PCED1B: variants seen among roughly 807,000 people sequenced by gnomAD.
The protein encoded by PCED1B is PC-esterase domain-containing protein 1B.
For missense variants in PCED1B, 573 were observed against 573.9 expected, an observed-to-expected ratio of 1.00 and a Z score of 0.02; for synonymous variants, 251 against 246.1, an observed-to-expected ratio of 1.02 and a Z score of -0.19.
chr12:47,195,214 A>C (rs1942566936), intron 2 of PCED1B, among the ~76,000 whole-genome samples: 1 of 152,034 alleles, frequency 6.6e-6, no homozygotes, highest in Non-Finnish European at 1.5e-5. Context: ...CTGTAGTCCC[A>C]GCTACTCGGG....
At chr12:47,146,461 C>G (rs923318715) in intron 2 of PCED1B, among the ~76,000 whole-genome samples, 1 of 152,036 alleles carries the variant, frequency 6.6e-6, no homozygotes, top group South Asian at 2.1e-4. Flanking sequence ...TCGCATGCTA[C>G]AGAAAAAAAT....
chr12:47,083,391 T>G (rs772256056), intron 1 of PCED1B, among the ~76,000 whole-genome samples: 4 of 151,914 alleles, frequency 2.6e-5, no homozygotes, highest in Non-Finnish European at 4.4e-5. Context: ...CTCACTGGGG[T>G]CACTGATTGC....
chr12:47,173,255 C>G (rs1456672829), intron 2 of PCED1B, among the ~76,000 whole-genome samples: 1 of 152,110 alleles, frequency 6.6e-6, no homozygotes, highest in Non-Finnish European at 1.5e-5. Flanking sequence ...TCATTTATCT[C>G]CTGTATGTTT....
At position 47,153,071 on chromosome 12, in the gene PCED1B, C is replaced by T. The variant is rs531600700; in HGVS notation, c.-526+48876C>T. ...ATGCTTAGAATATAGAAATTCAGGC[C>T]GGGCACAGTGGCTCACGCCTGTAAT... On this transcript the variant is annotated intron_variant, in intron 2 of 3. Transcript: ENST00000546455. 3.8e-4 allele frequency among the ~76,000 whole-genome samples: 58 copies of T among 151,752 alleles called. No homozygotes were observed. In the South Asian group the frequency reaches 8.1e-3, roughly 21 times the overall value.
chr12:47,110,941 T>C (rs1486726304), intron 2 of PCED1B, among the ~76,000 whole-genome samples: 1 of 152,204 alleles, frequency 6.6e-6, no homozygotes, highest in Non-Finnish European at 1.5e-5. Flanking sequence ...AAAAACCATA[T>C]GCAGCATGAA....
In PCED1B at chr12:47,193,057, A is replaced by G. The variant is rs996930721; in HGVS notation, c.-525-23165A>G. On this transcript the variant is annotated intron_variant, in intron 2 of 3. Transcript: ENST00000546455. The stretch of plus-strand genomic sequence containing the variant: ...GATATTTTAGCGCTTCTCCCATTGT[A>G]TTTTGCTAATTGTTTTTGCATGTCT... Among the ~76,000 whole-genome samples the G allele has an allele frequency of 9.2e-5, 14 of 152,094 alleles. No homozygotes were observed. The South Asian group carries it at 2.7e-3, about 29-fold the overall frequency.
Position 47,236,445 on chromosome 12 carries a change from C to A in PCED1B, c.*83C>A, listed in dbSNP as rs907570133. Reference sequence around the variant, plus strand: ...CTTTCCATTGCTTGGCCTGAACAGACTGACCTTGTTAACTTAAGCCTGGAG... The same window carrying A: ...CTTTCCATTGCTTGGCCTGAACAGAATGACCTTGTTAACTTAAGCCTGGAG... On this transcript the variant is annotated 3_prime_UTR_variant, in exon 4 of 4. Coordinates refer to ENST00000546455, the MANE Select transcript of PCED1B (RefSeq NM_138371.3). 22 of 1,343,322 alleles carry A rather than the reference C, an allele frequency of 1.6e-5. 2 individuals are homozygous for A. Among genetic ancestry groups the A allele is most frequent in the Non-Finnish European group, 9.9e-7 (1 of 1,005,776 alleles). The allele number at this position is 1,343,322 out of a possible 1,614,324, so 83.2% of individuals were successfully genotyped here. A position where few individuals can be genotyped will look rare whatever the true frequency, so the allele number is the denominator to read the frequency against.
At chr12:47,219,793 A>G (rs1014939074) in intron 3 of PCED1B, among the ~76,000 whole-genome samples, 9 of 152,076 alleles carry the variant, frequency 5.9e-5, no homozygotes, top group African/African-American at 2.2e-4. Context: ...AGATAATATG[A>G]TTTTTTTTCT....
intron 2 of PCED1B, among the ~76,000 whole-genome samples, chr12:47,127,246 A>C (rs1057215370): frequency 2.0e-5 from 3 of 152,218 alleles, no homozygotes; most frequent in African/African-American, 7.2e-5. Flanking sequence ...TTACATTTAC[A>C]TACAGATTGA....
At chr12:47,153,749 A>G (rs115200125) in intron 2 of PCED1B, among the ~76,000 whole-genome samples, 555 of 152,350 alleles carry the variant, frequency 3.6e-3, no homozygotes, top group African/African-American at 0.013. Context: ...CCTCTGAATT[A>G]TGAAATAAAT....
chr12:47,226,426 T>A (rs1428558727), intron 3 of PCED1B, among the ~76,000 whole-genome samples: 1 of 152,148 alleles, frequency 6.6e-6, no homozygotes, highest in African/African-American at 2.4e-5. Flanking sequence ...CAGCCTGGAG[T>A]GCATTGGTGG....
At chr12:47,185,743 C>T (rs916833304) in intron 2 of PCED1B, among the ~76,000 whole-genome samples, 12 of 149,728 alleles carry the variant, frequency 8.0e-5, no homozygotes, top group African/African-American at 2.9e-4. Context: ...GAGCTGAAAT[C>T]GTGGTACTAC....
At chr12:47,163,895 A>G (rs765525598) in intron 2 of PCED1B, among the ~76,000 whole-genome samples, 2 of 152,224 alleles carry the variant, frequency 1.3e-5, no homozygotes, top group Non-Finnish European at 2.9e-5. Flanking sequence ...TCACATGATG[A>G]GGGAGGAAAC....
At chr12:47,147,239 A>G (rs553545051) in intron 2 of PCED1B, among the ~76,000 whole-genome samples, 10 of 152,120 alleles carry the variant, frequency 6.6e-5, no homozygotes, top group African/African-American at 2.4e-4. Context: ...CTGGTCTCAA[A>G]CTTCTGACCT....
intron 2 of PCED1B, chr12:47,135,404 G>C (rs1340731204): frequency 8.6e-6 from 2 of 233,662 alleles, no homozygotes; most frequent in East Asian, 2.6e-4. Context: ...CTCAGCTTTG[G>C]GGGCAGGGCA....
At chr12:47,211,942 G>A (rs1943099829) in intron 2 of PCED1B, among the ~76,000 whole-genome samples, 1 of 151,074 alleles carries the variant, frequency 6.6e-6, no homozygotes, top group Admixed American at 6.6e-5. Flanking sequence ...GGGCGTAGTG[G>A]CGGGCGCCTG....
chr12:47,225,326 A>G (rs1302595925), intron 3 of PCED1B, among the ~76,000 whole-genome samples: 1 of 152,186 alleles, frequency 6.6e-6, no homozygotes, highest in Non-Finnish European at 1.5e-5. Flanking sequence ...CACTTTTAAA[A>G]ATAGGCCTGC....
At chr12:47,091,644 A>T (rs1938270855) in intron 1 of PCED1B, among the ~76,000 whole-genome samples, 1 of 152,132 alleles carries the variant, frequency 6.6e-6, no homozygotes, top group Admixed American at 6.5e-5. Context: ...GGTCATGAAG[A>T]TGTTCTACTC....
At chr12:47,173,378 C>T (rs1176209521) in intron 2 of PCED1B, among the ~76,000 whole-genome samples, 5 of 152,100 alleles carry the variant, frequency 3.3e-5, no homozygotes, top group South Asian at 4.1e-4. Context: ...CTCAGCCTCT[C>T]GAGTAGCTGG....
Sources: allele counts gnomAD v4.1 joint callset (sites outside exome capture counted in the v4.1 genomes callset), GRCh38; gene constraint gnomAD v4.1.1; transcripts MANE v1.5; gene names NCBI Gene and HGNC (gene_info 2026-07-23, HGNC 2026-07-21).